The following CNTNAP1 variants were observed in gnomAD, a reference collection of about 807,000 sequenced individuals.
CNTNAP1 encodes the protein contactin associated protein 1.
A neutral mutation model predicts 161.5 loss-of-function variants in CNTNAP1; 80 were observed. The observed-to-expected ratio is 0.50, with a 90% CI of 0.41 to 0.60. The LOEUF is 0.60. CNTNAP1 is among the 20% of genes least tolerant of loss of function. CNTNAP1 has a pLI of 0.00. For synonymous variants in CNTNAP1, 695 were observed against 733.1 expected (o/e 0.95, Z 0.84); for missense variants, 1,464 against 1,854.8 (o/e 0.79, Z 3.87).
chr17:42,691,506 G>A lies in CNTNAP1; in HGVS notation c.2339G>A (p.Gly780Asp). The change falls in exon 15 of 24, where the codon GGC becomes GAC. Residue 780 changes from glycine (G) to aspartate (D), a missense_variant. By Grantham distance (94) the Gly-to-Asp change is moderately conservative. Around this residue, in one of 3 missense-constraint regions of CNTNAP1, gnomAD observed 1,383 missense variants for 1,765.0 expected, o/e 0.78. Coordinates refer to ENST00000264638, the MANE Select transcript of CNTNAP1 (RefSeq NM_003632.3). This position sits in a 1 kb window ranked among gnomAD's most constrained non-coding sequence, Gnocchi z 4.3. ...QFFLRPLRCY[G>D]DRNSWNTISF... is the part of the protein sequence containing the mutation. ...TTCCTGAGGCCTCTGCGCTGCTATG[G>A]CGATCGTGAGTGGCAGTCCCCTTTT... The A allele has an allele frequency of 1.2e-6, 2 of 1,613,962 alleles. No individual in the cohort carries two copies.
Position 42,698,821 on chromosome 17 carries a change from G to A in CNTNAP1, c.4066G>A (p.Ala1356Thr). 6.2e-7 allele frequency: 1 copy of A among 1,602,188 alleles called. No individual in the cohort carries two copies. Among genetic ancestry groups the A allele is most frequent in the Non-Finnish European group, 8.5e-7 (1 of 1,178,622 alleles). Residue 1356 changes from alanine (A) to threonine (T), a missense_variant, in exon 24 of 24, where the codon GCC (alanine) becomes ACC (threonine). Coordinates refer to ENST00000264638, the MANE Select transcript of CNTNAP1 (RefSeq NM_003632.3). The stretch of plus-strand genomic sequence containing the variant: ...AGCTCCCAACCAAGCTCCAGCCTCA[G>A]CCCCAGCCCCAGCCCCAACTCCAGC... Reference protein sequence around the residue: ...TAAPNQAPASAPAPAPTPAPA... With the variant: ...TAAPNQAPASTPAPAPTPAPA...
At position 42,685,960 on chromosome 17, in the gene CNTNAP1, G is replaced by A. The variant is rs2053000293; in HGVS notation, c.719G>A (p.Ser240Asn). 1 of 1,613,944 alleles carries A rather than the reference G, an allele frequency of 6.2e-7. No homozygotes were observed. The highest frequency in any genetic ancestry group is 8.5e-7 in the Non-Finnish European group (1 of 1,179,964). ...AHLLLHMSLG[S>N]SPIQPRPGHT... ...CTCTGTCCTGCCCCACCCTCAGGCA[G>A]CAGCCCTATCCAGCCAAGACCAGGT... is the stretch of plus-strand genomic sequence containing the variant. The change falls in exon 6 of 24, where the codon AGC becomes AAC. Residue 240 changes from serine (S) to asparagine (N), a missense_variant. Physicochemically the swap from Ser to Asn is conservative, Grantham distance 46. Transcript: ENST00000264638. The surrounding 1 kb of genome is among the most constrained non-coding windows in gnomAD (Gnocchi z 5.0).
rs758134032 is a variant in CNTNAP1, at chr17:42,690,192, T to A, written c.1840T>A (p.Tyr614Asn). Residue 614 changes from tyrosine to asparagine, a missense_variant, in exon 12 of 24, where the codon TAC becomes AAC. By Grantham distance (143) the Tyr-to-Asn change is moderately radical. Coordinates refer to ENST00000264638, the MANE Select transcript of CNTNAP1 (RefSeq NM_003632.3). ...TGGCCCCCTGAAGCCATTTGTAGTG[T>A]ACTGTGATATCCGAGGTAAGTGTCT... ...GSGPLKPFVV[Y>N]CDIRENRAWT... is the part of the protein sequence containing the mutation. 1 of 1,613,986 alleles carries A rather than the reference T, an allele frequency of 6.2e-7. No individual in the cohort carries two copies. The highest frequency in any genetic ancestry group is 1.6e-4 in the Middle Eastern group (1 of 6,062).
intron 11 of CNTNAP1, 191 bp from the exon 12 acceptor site, chr17:42,689,897 C>T (rs1338342847): frequency 7.2e-5 from 44 of 613,884 alleles, no homozygotes; most frequent in East Asian, 1.2e-4. Context: ...CACACCACCA[C>T]GCCTAGCTAA....
intron 12 of CNTNAP1, among the ~76,000 whole-genome samples, chr17:42,690,480 C>T (rs1433757389): frequency 1.3e-5 from 2 of 148,614 alleles, no homozygotes; most frequent in Non-Finnish European, 1.5e-5. Context: ...GCTGAGATAG[C>T]GCCATTGGAC....
chr17:42,695,398 T>TG, intron 18 of CNTNAP1, 123 bp from the exon 19 acceptor site: 1 of 771,814 alleles, frequency 1.3e-6, no homozygotes, highest in Admixed American at 2.4e-5. Context: ...TAAAAGTAAA[T>TG]GGAGGGTTGT....
At chr17:42,692,868 T>A in intron 17 of CNTNAP1, 148 bp downstream of exon 17, 1 of 665,392 alleles carries the variant, frequency 1.5e-6, no homozygotes. Context: ...CCTCCAGGCC[T>A]TTGTATCCTA....
rs200797891 is a variant in CNTNAP1, at chr17:42,697,567, T to G, written c.3582T>G (p.Ile1194Met). Reference protein sequence around the residue: ...YLGRVMETGVIDPEIQRYNTP... With the variant: ...YLGRVMETGVMDPEIQRYNTP... ...CCTCTCTCTCAGAGACAGGAGTCAT[T>G]GACCCGGAGATCCAGCGCTACAACA... The change falls in exon 22 of 24, where the codon ATT becomes ATG. Residue 1194 changes from isoleucine to methionine, a missense_variant. Transcript: ENST00000264638. 3.1e-6 allele frequency: 5 copies of G among 1,614,042 alleles called. No individual in the cohort carries two copies. Among genetic ancestry groups the G allele is most frequent in the Non-Finnish European group, 4.2e-6 (5 of 1,179,976 alleles).
chr17:42,686,483 T>TG (rs1343290499), intron 6 of CNTNAP1, among the ~76,000 whole-genome samples: 5,305 of 129,626 alleles, frequency 0.041, 429 homozygotes, highest in African/African-American at 0.2. Flanking sequence ...TTTTTTTTTT[T>TG]TTTTTTTTTT....
intron 12 of CNTNAP1, 118 bp from the exon 13 acceptor site, chr17:42,690,621 T>G (rs928869872): frequency 2.1e-6 from 2 of 954,820 alleles, no homozygotes; most frequent in Non-Finnish European, 3.3e-6. Flanking sequence ...AGAGGTGGAA[T>G]GGAGCTGCTG....
At chr17:42,683,754 G>A in intron 1 of CNTNAP1, 67 bp from the exon 2 acceptor site, 25 of 1,550,074 alleles carry the variant, frequency 1.6e-5, no homozygotes, top group Middle Eastern at 3.4e-4. Flanking sequence ...CGGTCGCTAA[G>A]TGGGCCGGCC....
At position 42,688,947 on chromosome 17, in the gene CNTNAP1, C is replaced by G. The variant is rs926724591; in HGVS notation, c.1528C>G (p.Leu510Val). 8.1e-6 allele frequency: 13 copies of G among 1,614,070 alleles called. No homozygotes were observed. Among genetic ancestry groups the G allele is most frequent in the Non-Finnish European group, 1.1e-5 (13 of 1,179,986 alleles). Residue 510 changes from leucine to valine, a missense_variant, in exon 10 of 24, where the codon CTC (leucine) becomes GTC (valine). Around this residue, in one of 3 missense-constraint regions of CNTNAP1, gnomAD observed 1,383 missense variants for 1,765.0 expected, o/e 0.78. Transcript: ENST00000264638. ...QTAFHGCMEL[L>V]KVDGQLVNLT... is the part of the protein sequence containing the mutation. ...GGCATTCCATGGCTGCATGGAGCTG[C>G]TCAAGGTGGATGGTCAACTGGTCAA...
intron 23 of CNTNAP1, 69 bp downstream of exon 23, chr17:42,698,019 C>T: frequency 1.3e-6 from 2 of 1,558,672 alleles, no homozygotes; most frequent in Non-Finnish European, 8.9e-7. Context: ...CTTTCCCTGC[C>T]CCTGATCCCC....
intron 23 of CNTNAP1, among the ~76,000 whole-genome samples, 173 bp from the exon 24 acceptor site, chr17:42,698,445 A>ATGTGTGTG (rs71276881): frequency 1.9e-3 from 270 of 139,584 alleles, no homozygotes; most frequent in African/African-American, 6.4e-3. Context: ...CCAAAAGTAA[A>ATGTGTGTG]TGTGTGTGTG....
Position 42,686,001 on chromosome 17 carries a change from G to T in CNTNAP1, c.760G>T (p.Ala254Ser). The change falls in exon 6 of 24, where the codon GCA becomes TCA. Residue 254 changes from alanine (A) to serine (S), a missense_variant. Physicochemically the swap from Ala to Ser is moderately conservative, Grantham distance 99 (BLOSUM62 1). Transcript: ENST00000264638. ...AAGACCAGGTCACACCACCGTGAGC[G>T]CAGGCGGAGTCCTCAATGACCAGCA... ...QPRPGHTTVS[A>S]GGVLNDQHWH... is the part of the protein sequence containing the mutation. The T allele has an allele frequency of 6.2e-7, 1 of 1,614,194 alleles. No individual in the cohort carries two copies. Among genetic ancestry groups the T allele is most frequent in the South Asian group, 1.1e-5 (1 of 91,072 alleles).
rs536652810 is a variant in CNTNAP1, at chr17:42,697,205, C to G, written c.3475-69C>G. 5.5e-5 allele frequency: 60 copies of G among 1,088,242 alleles called. No homozygotes were observed. In the African/African-American group the frequency reaches 6.8e-4, roughly 12 times the overall value. The allele number at this position is 1,088,242 out of a possible 1,614,324, so 67.4% of individuals were successfully genotyped here. On this transcript the variant is annotated intron_variant, in intron 20 of 23. Transcript: ENST00000264638. ...TTCCCAGGGTCCACACAGTTCCAGT[C>G]CAGCCCACAGGCATCTGCTTCTGGT... is the stretch of plus-strand genomic sequence containing the variant.
intron 23 of CNTNAP1, 71 bp downstream of exon 23, chr17:42,698,021 C>T: frequency 6.4e-7 from 1 of 1,559,466 alleles, no homozygotes; most frequent in Non-Finnish European, 8.8e-7. Flanking sequence ...TTCCCTGCCC[C>T]TGATCCCCAA....
chr17:42,691,312 AG>A lies in CNTNAP1; in HGVS notation c.2216+22del, dbSNP rs1414042978. 6.2e-7 allele frequency: 1 copy of A among 1,613,968 alleles called. No individual in the cohort carries two copies. Among genetic ancestry groups the A allele is most frequent in the Non-Finnish European group, 8.5e-7 (1 of 1,179,976 alleles). Reference sequence around the variant, plus strand: ...CCCAGTGGTGAGGGGGCAAAGGGACAGGGTTTTTAGGACTCCGGGAGTGGGA... The same window carrying A: ...CCCAGTGGTGAGGGGGCAAAGGGACAGGTTTTTAGGACTCCGGGAGTGGGA... On this transcript the variant is annotated intron_variant, in intron 14 of 23. Transcript: ENST00000264638. The surrounding 1 kb of genome is among the most constrained non-coding windows in gnomAD (Gnocchi z 4.3).
chr17:42,684,808 C>T (rs1178105230), intron 3 of CNTNAP1, among the ~76,000 whole-genome samples, 183 bp from the exon 4 acceptor site: 1 of 152,032 alleles, frequency 6.6e-6, no homozygotes, highest in Non-Finnish European at 1.5e-5. Flanking sequence ...CGCCTGTAAT[C>T]CCAGCTACTT....
Sources: allele counts gnomAD v4.1 joint callset (sites outside exome capture counted in the v4.1 genomes callset), GRCh38; gene constraint gnomAD v4.1.1; regional missense constraint gnomAD v4.1.1; non-coding constraint Gnocchi (gnomAD v3.1); transcripts MANE v1.5; gene names NCBI Gene and HGNC (gene_info 2026-07-23, HGNC 2026-07-21).